FAM210A: variants seen among roughly 807,000 people sequenced by gnomAD.
FAM210A encodes family with sequence similarity 210 member A.
A neutral mutation model predicts 25.3 loss-of-function variants in FAM210A; 13 were observed. The observed-to-expected ratio is 0.51, with a 90% CI of 0.33 to 0.82. The LOEUF (loss-of-function observed/expected upper bound fraction) is 0.82, where lower values mean the gene tolerates loss of function less well. Ranked by LOEUF, FAM210A falls within the 40% of genes least tolerant of loss-of-function variation. The probability of loss-of-function intolerance (pLI) is 0.02; values close to 1 mark genes in which losing one functional copy is unlikely to be tolerated. For synonymous variants in FAM210A, 125 were observed against 118.7 expected, an observed-to-expected ratio of 1.05 and a Z score of -0.35; for missense variants, 319 against 323.2, an observed-to-expected ratio of 0.99 and a Z score of 0.10.
rs548175460 is a variant in FAM210A at position 13,705,565 on chromosome 18, G to A, written c.-29+20764C>T. Among the ~76,000 whole-genome samples, 421 of 152,192 alleles carry A rather than the reference G, an allele frequency of 2.8e-3. 3 individuals carry two copies. Among genetic ancestry groups the A allele is most frequent in the African/African-American group, 8.9e-3 (371 of 41,522 alleles). On this transcript the variant is annotated intron_variant, in intron 1 of 3. Coordinates refer to ENST00000651643, the MANE Select transcript of FAM210A (RefSeq NM_152352.4). ...CGGCCCACTGCAACCTCTGCCTTCC[G>A]GGTTCAAGCAATTCTCCTGCCTCAG...
chr18:13,705,333 G>A (rs531473255), intron 1 of FAM210A, among the ~76,000 whole-genome samples: 1 of 152,328 alleles, frequency 6.6e-6, no homozygotes, highest in South Asian at 2.1e-4. Context: ...GACACATGGA[G>A]AACCAGGATA....
At chr18:13,683,480 C>G (rs2043571972) in intron 1 of FAM210A, among the ~76,000 whole-genome samples, 1 of 151,764 alleles carries the variant, frequency 6.6e-6, no homozygotes, top group Non-Finnish European at 1.5e-5. Context: ...TGGGAGGACA[C>G]TTGAGCCCAG....
At chr18:13,679,052 A>G (rs2043527386) in intron 2 of FAM210A, among the ~76,000 whole-genome samples, 1 of 152,240 alleles carries the variant, frequency 6.6e-6, no homozygotes. Context: ...ATCTATTAGC[A>G]TGCACAATTT....
intron 1 of FAM210A, among the ~76,000 whole-genome samples, chr18:13,692,681 G>C (rs867209937): frequency 6.6e-6 from 1 of 152,186 alleles, no homozygotes; most frequent in Admixed American, 6.5e-5. Context: ...CAGAAATAAA[G>C]ATGTTCTTTG....
chr18:13,703,216 G>A (rs1465828439), intron 1 of FAM210A, among the ~76,000 whole-genome samples: 1 of 152,140 alleles, frequency 6.6e-6, no homozygotes, highest in Middle Eastern at 3.2e-3. Context: ...AAGAGCTTTG[G>A]TATGTAATAA....
chr18:13,693,911 G>T (rs536519703), intron 1 of FAM210A, among the ~76,000 whole-genome samples: 1 of 152,158 alleles, frequency 6.6e-6, no homozygotes, highest in Non-Finnish European at 1.5e-5. Flanking sequence ...TAAATAAAGG[G>T]TATTCAATTA....
intron 3 of FAM210A, among the ~76,000 whole-genome samples, chr18:13,667,697 G>T (rs111700466): frequency 1.3e-5 from 2 of 151,168 alleles, no homozygotes; most frequent in Non-Finnish European, 2.9e-5. Context: ...CAGCCTGGGC[G>T]ACAAGAGTGA....
intron 1 of FAM210A, among the ~76,000 whole-genome samples, chr18:13,716,090 T>G (rs2043859776): frequency 6.6e-6 from 1 of 152,234 alleles, no homozygotes; most frequent in African/African-American, 2.4e-5. Context: ...TTAATTACTT[T>G]AAGTTACAAT....
chr18:13,674,108 T>G (rs1261659768), intron 2 of FAM210A, among the ~76,000 whole-genome samples: 3 of 143,164 alleles, frequency 2.1e-5, no homozygotes, highest in African/African-American at 2.5e-5. Flanking sequence ...ATTTCCAGTT[T>G]CCTGATTATT....
At chr18:13,714,114 T>C (rs2043842710) in intron 1 of FAM210A, among the ~76,000 whole-genome samples, 1 of 152,240 alleles carries the variant, frequency 6.6e-6, no homozygotes, top group South Asian at 2.1e-4. Flanking sequence ...TACACAGAAC[T>C]GTAACCCTTT....
At chr18:13,697,681 C>CAAA (rs58039903) in intron 1 of FAM210A, 22,176 of 71,416 alleles carry the variant, frequency 0.31, 4,289 homozygotes, top group Middle Eastern at 0.36. Context: ...GACTCTGTCT[C>CAAA]AAAAAAAAAA....
chr18:13,698,607 G>C (rs1220564592), intron 1 of FAM210A, among the ~76,000 whole-genome samples: 1 of 152,016 alleles, frequency 6.6e-6, no homozygotes, highest in Non-Finnish European at 1.5e-5. Flanking sequence ...ACATTCCGCA[G>C]GGGTTCAGGC....
chr18:13,713,936 G>A (rs983419095), intron 1 of FAM210A, among the ~76,000 whole-genome samples: 4 of 152,022 alleles, frequency 2.6e-5, no homozygotes, highest in African/African-American at 7.3e-5. Flanking sequence ...CATTACTCCC[G>A]GAAATTTAAC....
chr18:13,721,756 C>T (rs2043899227), intron 1 of FAM210A, among the ~76,000 whole-genome samples: 1 of 152,098 alleles, frequency 6.6e-6, no homozygotes, highest in African/African-American at 2.4e-5. Flanking sequence ...CCATTGACCA[C>T]CTAACCTCAA....
chr18:13,668,136 T>A (rs1281658767), intron 3 of FAM210A, among the ~76,000 whole-genome samples: 3 of 152,170 alleles, frequency 2.0e-5, no homozygotes, highest in Non-Finnish European at 2.9e-5. Flanking sequence ...ATCTCTAATT[T>A]CTCTCCTAAA....
chr18:13,698,283 C>T (rs113378463), intron 1 of FAM210A, among the ~76,000 whole-genome samples: 21,615 of 132,628 alleles, frequency 0.16, 1,700 homozygotes, highest in African/African-American at 0.18. Flanking sequence ...ACCCAGGGGG[C>T]GGAGGTTGCA....
intron 1 of FAM210A, among the ~76,000 whole-genome samples, chr18:13,707,453 G>T (rs2043787542): frequency 6.6e-6 from 1 of 152,204 alleles, no homozygotes. Flanking sequence ...GGCATAAGGA[G>T]GTACCCTCTA....
Position 13,666,029 on chromosome 18 carries a change from G to T in FAM210A, c.*451C>A, listed in dbSNP as rs1031816467. The T allele has an allele frequency of 6.2e-6, 1 of 160,522 alleles. No individual in the cohort carries two copies. Among genetic ancestry groups the T allele is most frequent in the Non-Finnish European group, 1.4e-5 (1 of 72,524 alleles). 9.9% of individuals were successfully genotyped at this position (160,522 alleles called of 1,614,324 possible). On this transcript the variant is annotated 3_prime_UTR_variant, in exon 4 of 4. Transcript: ENST00000651643. ...CTTATTTACAGGCAGTTTTGATGAT[G>T]CTAGTTTGTCTCCAAATTACGTACT...
intron 3 of FAM210A, among the ~76,000 whole-genome samples, chr18:13,671,161 TA>T (rs139552528): frequency 0.12 from 18,056 of 152,168 alleles, 1,299 homozygotes; most frequent in Non-Finnish European, 0.17. Context: ...AACAGTAAAA[TA>T]GGGGGATCTC....
Sources: gnomAD v4.1 joint callset for allele counts (sites outside exome capture counted in the v4.1 genomes callset) on GRCh38, gnomAD v4.1.1 for gene constraint, MANE v1.5 for transcripts, NCBI Gene and HGNC (gene_info 2026-07-23, HGNC 2026-07-21) for gene names.